Variants in CRISP1 observed in about 807,000 individuals in gnomAD.
The protein encoded by CRISP1 is cysteine rich secretory protein 1, also known as cysteine-rich secretory protein 1.
Under a neutral mutation model 33.1 loss-of-function variants are expected in CRISP1, and 44 were observed. That is an observed-to-expected ratio of 1.33 (90% confidence interval 1.05 to 1.71). CRISP1 has a LOEUF of 1.71. Ranked by LOEUF, CRISP1 falls within the 40% of genes most tolerant of loss-of-function variation. CRISP1 has a pLI of 0.00. For synonymous variants in CRISP1, 103 were observed against 98.7 expected (o/e 1.04, Z -0.26); for missense variants, 390 against 301.2 (o/e 1.29, Z -2.18).
Position 49,856,699 on chromosome 6 carries a change from G to A in CRISP1, c.66+636C>T, listed in dbSNP as rs1266421586. On this transcript the variant is annotated intron_variant, in intron 2 of 7. Coordinates refer to ENST00000335847, the MANE Select transcript of CRISP1 (RefSeq NM_001131.3). ...TACTTCAGTTTGTCACAAAATTTGG[G>A]GTAAATTAAAATATATATTATTTTC... Among the ~76,000 whole-genome samples the A allele has an allele frequency of 2.0e-5, 3 of 151,622 alleles. No individual in the cohort carries two copies. In the East Asian group the frequency reaches 5.8e-4, roughly 29 times the overall value.
chr6:49,838,423 G>A lies in CRISP1; in HGVS notation c.622+14C>T, dbSNP rs150126169. On this transcript the variant is annotated intron_variant, in intron 7 of 7. Coordinates refer to ENST00000335847, the MANE Select transcript of CRISP1 (RefSeq NM_001131.3). ...TGGGTTAACTGTAAACAAACAGAAT[G>A]CAAACAAACTTACTGCAAAGTTTGT... The A allele has an allele frequency of 3.1e-6, 5 of 1,596,236 alleles. No homozygotes were observed. In the Admixed American group the frequency reaches 6.8e-5, roughly 22 times the overall value.
intron 1 of CRISP1, among the ~76,000 whole-genome samples, chr6:49,859,874 C>T (rs772085504): frequency 1.5e-4 from 23 of 151,970 alleles, no homozygotes; most frequent in African/African-American, 2.4e-4. Context: ...AAAGTCATCT[C>T]ACCTGTAAAG....
In CRISP1 at chr6:49,852,076, T is replaced by G. The variant is rs1156943563; in HGVS notation, c.120A>C (p.Val40=). ...TGTGTATATTAACGATCTCTTCTTG[T>G]ACATTTGGCAAGTCGGTGACGAGCT... ...FNKLVTDLPN[V]QEEIVNIHNA... is the part of the protein sequence containing the mutation. Residue 40 remains valine, a synonymous_variant, in exon 3 of 8, where the codon GTA becomes GTC. Coordinates refer to ENST00000335847, the MANE Select transcript of CRISP1 (RefSeq NM_001131.3). 5 of 1,613,256 alleles carry G rather than the reference T, an allele frequency of 3.1e-6. No homozygotes were observed. The highest frequency in any genetic ancestry group is 4.2e-6 in the Non-Finnish European group (5 of 1,179,570).
chr6:49,861,927 C>T (rs1193369948), intron 1 of CRISP1, among the ~76,000 whole-genome samples: 1 of 151,718 alleles, frequency 6.6e-6, no homozygotes, highest in Non-Finnish European at 1.5e-5. Context: ...CCATATATGA[C>T]AAATCCACAT....
intron 1 of CRISP1, among the ~76,000 whole-genome samples, chr6:49,858,407 A>C (rs780781): frequency 0.92 from 139,567 of 152,218 alleles, 64,051 homozygotes; most frequent in East Asian, 0.96. Flanking sequence ...TTTACAAAAG[A>C]AAGCACTTTT....
chr6:49,872,812 T>G (rs1771955976), intron 1 of CRISP1, among the ~76,000 whole-genome samples: 1 of 152,154 alleles, frequency 6.6e-6, no homozygotes. Context: ...AGCCTTGCAG[T>G]ATAGTTTGAA....
chr6:49,871,824 AG>A (rs2127479811), intron 1 of CRISP1, among the ~76,000 whole-genome samples: 1 of 152,176 alleles, frequency 6.6e-6, no homozygotes, highest in East Asian at 1.9e-4. Context: ...GTTGCTTCCA[AG>A]TCTTTGCTAT....
At chr6:49,863,841 T>C (rs576181909) in intron 1 of CRISP1, among the ~76,000 whole-genome samples, 1 of 152,352 alleles carries the variant, frequency 6.6e-6, no homozygotes, top group South Asian at 2.1e-4. Flanking sequence ...ACATGAACTC[T>C]ACAAGAAATA....
At chr6:49,851,345 A>G (rs1471085357) in intron 3 of CRISP1, among the ~76,000 whole-genome samples, 5 of 152,160 alleles carry the variant, frequency 3.3e-5, no homozygotes, top group Non-Finnish European at 5.9e-5. Context: ...CTGCTGGATA[A>G]CAAATGTGAG....
intron 5 of CRISP1, among the ~76,000 whole-genome samples, chr6:49,844,682 C>T (rs545767333): frequency 1.3e-5 from 2 of 152,208 alleles, no homozygotes; most frequent in East Asian, 3.9e-4. Flanking sequence ...GAGCATCAAA[C>T]CAAAGAGAAT....
intron 1 of CRISP1, among the ~76,000 whole-genome samples, chr6:49,860,846 GAC>G (rs1771628909): frequency 6.6e-6 from 1 of 151,688 alleles, no homozygotes; most frequent in Non-Finnish European, 1.5e-5. Flanking sequence ...ATATAAACAA[GAC>G]CAATAGGCCG....
upstream of CRISP1, among the ~76,000 whole-genome samples, chr6:49,871,196 CATT>C (rs1314860612): frequency 2.0e-5 from 3 of 151,724 alleles, no homozygotes; most frequent in Admixed American, 6.6e-5. Context: ...AACATGCACT[CATT>C]ATTCAAAAAC....
rs552314549 is a variant in CRISP1, at chr6:49,861,889, A to G, written c.-2-4487T>C. Among the ~76,000 whole-genome samples the G allele has an allele frequency of 1.2e-4, 19 of 152,158 alleles. No homozygotes were observed. In the South Asian group the frequency reaches 3.3e-3, roughly 27 times the overall value. On this transcript the variant is annotated intron_variant, in intron 1 of 7. Transcript: ENST00000335847. ...AACAGAGCAAGACTCCATAAAAAAA[A>G]AAATAACATAACTCAACATAATAAA...
intron 1 of CRISP1, among the ~76,000 whole-genome samples, chr6:49,872,232 C>A (rs1297049968): frequency 2.0e-5 from 3 of 150,588 alleles, no homozygotes; most frequent in African/African-American, 7.3e-5. Context: ...CCTTTGCCCA[C>A]TTTTTGATGG....
In CRISP1 at chr6:49,848,287, C is replaced by T. The variant is rs752317042; in HGVS notation, c.208G>A (p.Glu70Lys). Reference protein sequence around the residue: ...SNMLKMSWSEEAAQNARIFSK... With the variant: ...SNMLKMSWSEKAAQNARIFSK... ...AAAATTCTGGCATTTTGTGCAGCCT[C>T]TTCACTCCAACTCTGTAGTGGAAAG... is the stretch of plus-strand genomic sequence containing the variant. Residue 70 changes from glutamate (E) to lysine (K), a missense_variant, in exon 4 of 8, where the codon GAG becomes AAG. Glu to Lys is a moderately conservative substitution (Grantham distance 56, BLOSUM62 1). Coordinates refer to ENST00000335847, the MANE Select transcript of CRISP1 (RefSeq NM_001131.3). 5.6e-6 allele frequency: 9 copies of T among 1,601,014 alleles called. No individual in the cohort carries two copies. The highest frequency in any genetic ancestry group is 1.7e-4 in the Middle Eastern group (1 of 6,026).
At position 49,848,247 on chromosome 6, in the gene CRISP1, T is replaced by A. The variant is rs768857326; in HGVS notation, c.248A>T (p.Asp83Val). ...QNARIFSKYC[D>V]MTESNPLERR... ...CTCAAGGGGGTTGCTCTCTGTCATA[T>A]CACAATACTTTGAAAAAATTCTGGC... The change falls in exon 4 of 8, where the codon GAT (aspartate) becomes GTT (valine). Residue 83 changes from aspartate to valine, a missense_variant. Physicochemically the swap from Asp to Val is radical, Grantham distance 152 (BLOSUM62 -3). Transcript: ENST00000335847. The A allele has an allele frequency of 1.2e-6, 2 of 1,608,190 alleles. No homozygotes were observed. Among genetic ancestry groups the A allele is most frequent in the Admixed American group, 3.4e-5 (2 of 59,086 alleles).
chr6:49,872,236 T>G (rs1290563660), intron 1 of CRISP1, among the ~76,000 whole-genome samples: 1 of 152,122 alleles, frequency 6.6e-6, no homozygotes, highest in Non-Finnish European at 1.5e-5. Context: ...TGCCCACTTT[T>G]TGATGGGGTT....
intron 6 of CRISP1, 47 bp downstream of exon 6, chr6:49,840,851 T>G (rs749382035): frequency 7.1e-7 from 1 of 1,416,454 alleles, no homozygotes; most frequent in South Asian, 1.2e-5. Flanking sequence ...AAAACTAGAT[T>G]AGGTTACTTT....
intron 7 of CRISP1, among the ~76,000 whole-genome samples, chr6:49,837,901 TAA>T (rs56006658): frequency 6.2e-5 from 9 of 144,174 alleles, no homozygotes; most frequent in African/African-American, 1.8e-4. Context: ...TTCAAGAAAT[TAA>T]AAAAAAAAAA....
Sources: gnomAD v4.1 joint callset for allele counts (sites outside exome capture counted in the v4.1 genomes callset) on GRCh38, gnomAD v4.1.1 for gene constraint, MANE v1.5 for transcripts, NCBI Gene and HGNC (gene_info 2026-07-23, HGNC 2026-07-21) for gene names.